The following EDIL3 variants were observed in gnomAD, a reference collection of about 807,000 sequenced individuals.
EDIL3 encodes EGF like and discoidin domains 3, also known as EGF-like repeat and discoidin I-like domain-containing protein 3.
In EDIL3, 37 loss-of-function variants were observed where a neutral mutation model predicts 67.4. That is an observed-to-expected ratio of 0.55 (90% CI 0.42 to 0.72). EDIL3 has a LOEUF of 0.72. EDIL3 is among the 30% of genes least tolerant of loss of function. EDIL3 has a pLI of 0.00. For synonymous variants in EDIL3, 195 were observed against 196.3 expected (o/e 0.99, Z 0.05); for missense variants, 527 against 586.3 (o/e 0.90, Z 1.04).
intron 1 of EDIL3, among the ~76,000 whole-genome samples, chr5:84,307,209 GAATAAGTGAATCCAATCCGCATCTT>G (rs1746289852): frequency 6.6e-6 from 1 of 152,178 alleles, no homozygotes; most frequent in South Asian, 2.1e-4. Context: ...AGATTTCATG[GAATAAGTGAATCCAATCCGCATCTT>G]AAGTTAAATG....
chr5:84,334,537 C>A (rs1746947417), intron 1 of EDIL3, among the ~76,000 whole-genome samples: 1 of 152,072 alleles, frequency 6.6e-6, no homozygotes, highest in Non-Finnish European at 1.5e-5. Context: ...TTTGGCTTTC[C>A]ATTTCTTATT....
chr5:84,191,519 A>C (rs1410808577), intron 3 of EDIL3, among the ~76,000 whole-genome samples: 1 of 152,066 alleles, frequency 6.6e-6, no homozygotes, highest in Non-Finnish European at 1.5e-5. Flanking sequence ...GAGGAGGCAT[A>C]AAACAAAGCA....
intron 3 of EDIL3, among the ~76,000 whole-genome samples, chr5:84,182,488 A>T (rs1163813767): frequency 6.6e-6 from 1 of 151,774 alleles, no homozygotes; most frequent in Non-Finnish European, 1.5e-5. Flanking sequence ...ACAAACAAAC[A>T]AACTTGTGAA....
At chr5:84,367,823 G>T (rs1747771882) in intron 1 of EDIL3, among the ~76,000 whole-genome samples, 2 of 152,018 alleles carry the variant, frequency 1.3e-5, no homozygotes, top group African/African-American at 4.8e-5. Flanking sequence ...TAGATAATTT[G>T]CTTGTTTATT....
At chr5:84,308,365 C>A (rs1314756157) in intron 1 of EDIL3, among the ~76,000 whole-genome samples, 1 of 152,110 alleles carries the variant, frequency 6.6e-6, no homozygotes, top group East Asian at 1.9e-4. Flanking sequence ...AAGAGAGAAG[C>A]AGTGATTGTT....
chr5:84,040,878 T>A (rs1746107359), intron 9 of EDIL3, among the ~76,000 whole-genome samples: 3 of 152,156 alleles, frequency 2.0e-5, no homozygotes, highest in Non-Finnish European at 4.4e-5. Flanking sequence ...ACGCCTGTAA[T>A]CCCAACACTT....
intron 2 of EDIL3, among the ~76,000 whole-genome samples, chr5:84,246,844 C>T (rs1337760604): frequency 6.6e-6 from 1 of 152,060 alleles, no homozygotes; most frequent in Non-Finnish European, 1.5e-5. Context: ...ATTTTTACAT[C>T]AATAAGCTAA....
chr5:84,148,430 C>T (rs977208515), intron 4 of EDIL3, among the ~76,000 whole-genome samples: 4 of 152,154 alleles, frequency 2.6e-5, no homozygotes, highest in South Asian at 2.1e-4. Context: ...TCAACAAATA[C>T]TCTTAATATA....
chr5:84,248,048 C>T (rs1390561799), intron 2 of EDIL3, among the ~76,000 whole-genome samples: 1 of 152,060 alleles, frequency 6.6e-6, no homozygotes, highest in Non-Finnish European at 1.5e-5. Flanking sequence ...ACTGCTATAT[C>T]CTCAGTGCCA....
chr5:83,951,442 T>A (rs1744420509), intron 10 of EDIL3, among the ~76,000 whole-genome samples: 1 of 151,822 alleles, frequency 6.6e-6, no homozygotes, highest in Non-Finnish European at 1.5e-5. Flanking sequence ...ACAAATTTGA[T>A]GTTCACTTAC....
chr5:84,061,742 T>C (rs1220904056), intron 8 of EDIL3, among the ~76,000 whole-genome samples: 1 of 152,142 alleles, frequency 6.6e-6, no homozygotes, highest in Non-Finnish European at 1.5e-5. Context: ...GCACACAGCA[T>C]TCAGTCAATG....
intron 6 of EDIL3, among the ~76,000 whole-genome samples, chr5:84,070,603 A>G (rs568864954): frequency 8.2e-6 from 1 of 121,724 alleles, no homozygotes; most frequent in East Asian, 2.5e-4. Context: ...TACTATGGTT[A>G]AGAGTGTGTG....
At chr5:84,027,926 T>G (rs1157108050) in intron 9 of EDIL3, among the ~76,000 whole-genome samples, 1 of 152,132 alleles carries the variant, frequency 6.6e-6, no homozygotes, top group Non-Finnish European at 1.5e-5. Flanking sequence ...ATTTAACCTT[T>G]CCTCAAAGTA....
At chr5:84,233,112 T>A (rs1233503955) in intron 2 of EDIL3, among the ~76,000 whole-genome samples, 1 of 152,060 alleles carries the variant, frequency 6.6e-6, no homozygotes, top group African/African-American at 2.4e-5. Flanking sequence ...ACCCAACAAA[T>A]AAGTGTATTG....
intron 2 of EDIL3, among the ~76,000 whole-genome samples, chr5:84,249,772 C>T (rs992869191): frequency 6.6e-6 from 1 of 152,026 alleles, no homozygotes; most frequent in African/African-American, 2.4e-5. Context: ...TTTAAAAATT[C>T]TCAAGATTTC....
chr5:84,078,541 A>G (rs1257556503), intron 6 of EDIL3: 1 of 152,224 alleles, frequency 6.6e-6, no homozygotes, highest in Non-Finnish European at 1.5e-5. Flanking sequence ...CACATCAGCT[A>G]CTAGGTTGGG....
At chr5:84,198,499 T>C (rs997170821) in intron 3 of EDIL3, among the ~76,000 whole-genome samples, 1 of 152,048 alleles carries the variant, frequency 6.6e-6, no homozygotes, top group African/African-American at 2.4e-5. Context: ...GCTTAAAAAG[T>C]CTTAAGGATT....
At chr5:84,225,398 T>C (rs1485491263) in intron 3 of EDIL3, among the ~76,000 whole-genome samples, 2 of 151,712 alleles carry the variant, frequency 1.3e-5, no homozygotes, top group East Asian at 1.9e-4. Flanking sequence ...TTGTCTAAAG[T>C]ATAAGAATAT....
intron 1 of EDIL3, among the ~76,000 whole-genome samples, chr5:84,262,190 G>A (rs145807431): frequency 1.7e-4 from 26 of 152,232 alleles, no homozygotes; most frequent in African/African-American, 5.1e-4. Context: ...TCACAGGGCC[G>A]GGGGAGGCTT....
Sources: allele counts gnomAD v4.1 joint callset (sites outside exome capture counted in the v4.1 genomes callset), GRCh38; gene constraint gnomAD v4.1.1; transcripts MANE v1.5; gene names NCBI Gene and HGNC (gene_info 2026-07-23, HGNC 2026-07-21).